CUX2: variants seen among roughly 807,000 people sequenced by gnomAD.
The protein encoded by CUX2 is cut like homeobox 2.
A neutral mutation model predicts 144.8 loss-of-function variants in CUX2; 40 were observed. That is an observed-to-expected ratio of 0.28 (90% CI 0.21 to 0.36). The LOEUF (loss-of-function observed/expected upper bound fraction) is 0.36, where lower values mean the gene tolerates loss of function less well. Ranked by LOEUF, CUX2 falls within the 10% of genes least tolerant of loss-of-function variation. The probability of loss-of-function intolerance (pLI) is 1.00; values close to 1 mark genes in which losing one functional copy is unlikely to be tolerated. For synonymous variants in CUX2, 827 were observed against 875.6 expected (o/e 0.94, Z 0.98); for missense variants, 1,615 against 1,994.0 (o/e 0.81, Z 3.62).
At chr12:111,179,876 G>A (rs1879066477) in intron 1 of CUX2, among the ~76,000 whole-genome samples, 1 of 152,176 alleles carries the variant, frequency 6.6e-6, no homozygotes, top group African/African-American at 2.4e-5. Context: ...TAGAGACAGG[G>A]TTTCGCCCTG....
At chr12:111,099,971 G>A (rs930907785) in intron 1 of CUX2, 2 of 457,272 alleles carry the variant, frequency 4.4e-6, no homozygotes, top group Non-Finnish European at 8.8e-6. Flanking sequence ...GGAAGGGAAC[G>A]GCTTTATCGC....
At chr12:111,119,924 G>A (rs866056268) in intron 1 of CUX2, among the ~76,000 whole-genome samples, 1 of 152,318 alleles carries the variant, frequency 6.6e-6, no homozygotes, top group Middle Eastern at 3.4e-3. Context: ...CAGGCATGGT[G>A]GCACGCGCCT....
At chr12:111,195,218 T>G (rs1880166029) in intron 1 of CUX2, among the ~76,000 whole-genome samples, 1 of 152,202 alleles carries the variant, frequency 6.6e-6, no homozygotes, top group African/African-American at 2.4e-5. Context: ...CTCCCTTTCC[T>G]GCCCAACGCA....
At position 111,310,589 on chromosome 12, in the gene CUX2, G is replaced by A. The variant is rs763069796; in HGVS notation, c.1807G>A (p.Val603Met). Residue 603 changes from valine to methionine, a missense_variant, in exon 15 of 22, where the codon GTG becomes ATG. Physicochemically the swap from Val to Met is conservative, Grantham distance 21. Coordinates refer to ENST00000261726, the MANE Select transcript of CUX2 (RefSeq NM_015267.4). The surrounding 1 kb of genome is among the most constrained non-coding windows in gnomAD (Gnocchi z 7.9). ...ARPKPWRKLT[V>M]KGKEPFIKMK... ...GCCCAAGCCCTGGCGCAAGCTCACG[G>A]TGAAGGGCAAGGAGCCCTTCATCAA... 27 of 1,613,818 alleles carry A rather than the reference G, an allele frequency of 1.7e-5. No individual in the cohort carries two copies. Among genetic ancestry groups the A allele is most frequent in the Middle Eastern group, 1.7e-4 (1 of 6,060 alleles).
intron 2 of CUX2, among the ~76,000 whole-genome samples, 175 bp downstream of exon 2, chr12:111,214,485 G>T (rs1427444040): frequency 6.6e-6 from 1 of 152,198 alleles, no homozygotes; most frequent in African/African-American, 2.4e-5. Context: ...GTGGTGCTCA[G>T]CGGTGCCTAC....
intron 1 of CUX2, among the ~76,000 whole-genome samples, chr12:111,202,398 T>G (rs1880648555): frequency 6.6e-6 from 1 of 152,162 alleles, no homozygotes; most frequent in Non-Finnish European, 1.5e-5. Flanking sequence ...TTTCGGGGCT[T>G]GCCGACAAGA....
intron 4 of CUX2, among the ~76,000 whole-genome samples, chr12:111,284,450 C>A (rs1885273925): frequency 6.6e-6 from 1 of 152,186 alleles, no homozygotes. Context: ...AAAGCTTGGA[C>A]ACGAGCATTG....
chr12:111,109,212 C>G (rs1190534061), intron 1 of CUX2, among the ~76,000 whole-genome samples: 1 of 152,190 alleles, frequency 6.6e-6, no homozygotes, highest in African/African-American at 2.4e-5. Flanking sequence ...GCAATTTTCT[C>G]TACAGGGAAA....
At chr12:111,259,849 A>G (rs73414602) in intron 3 of CUX2, among the ~76,000 whole-genome samples, 2,347 of 151,716 alleles carry the variant, frequency 0.015, 62 homozygotes, top group African/African-American at 0.052. Flanking sequence ...TTAATAATAT[A>G]TTTTATTTAG....
Position 111,304,377 on chromosome 12 carries a change from T to G in CUX2, c.858+63T>G. ...AGGGAAAGATCGGGAATGGCTGAGT[T>G]TGCAGGTTTCAGCATGTGGGTGACA... On this transcript the variant is annotated intron_variant, in intron 10 of 21. Transcript: ENST00000261726. This position sits in a 1 kb window ranked among gnomAD's most constrained non-coding sequence, Gnocchi z 4.7. The G allele has an allele frequency of 7.1e-7, 1 of 1,398,768 alleles. No homozygotes were observed. Among genetic ancestry groups the G allele is most frequent in the Non-Finnish European group, 1.0e-6 (1 of 1,001,726 alleles). 86.6% of individuals were successfully genotyped at this position (1,398,768 alleles called of 1,614,324 possible). A position where few individuals can be genotyped will look rare whatever the true frequency, so the allele number is the denominator to read the frequency against.
Position 111,347,587 on chromosome 12 carries a change from C to A in CUX2, c.3723C>A (p.Ser1241Arg), listed in dbSNP as rs775186252. The A allele has an allele frequency of 3.1e-6, 5 of 1,613,190 alleles. No homozygotes were observed. In the Admixed American group the frequency reaches 6.7e-5, roughly 22 times the overall value. ...GTQDEPDLDPSGGPGILPPGH... is the reference protein window; with the variant it reads ...GTQDEPDLDPRGGPGILPPGH... Reference sequence around the variant, plus strand: ...AGGATGAGCCAGACCTTGATCCAAGCGGGGGTCCTGGAATCCTACCGCCAG... The same window carrying A: ...AGGATGAGCCAGACCTTGATCCAAGAGGGGGTCCTGGAATCCTACCGCCAG... Residue 1241 changes from serine (S) to arginine (R), a missense_variant, in exon 22 of 22, where the codon AGC becomes AGA. Ser to Arg is a moderately radical substitution (Grantham distance 110). Transcript: ENST00000261726.
chr12:111,050,678 T>C (rs1870220241), intron 1 of CUX2, among the ~76,000 whole-genome samples: 1 of 152,066 alleles, frequency 6.6e-6, no homozygotes, highest in African/African-American at 2.4e-5. Context: ...TCCCATCTCC[T>C]ACCTCCATCT....
At chr12:111,056,928 T>A (rs1358581233) in intron 1 of CUX2, among the ~76,000 whole-genome samples, 1 of 151,978 alleles carries the variant, frequency 6.6e-6, no homozygotes, top group Non-Finnish European at 1.5e-5. Flanking sequence ...GGTGAGTTGG[T>A]GTGACAGGAA....
At chr12:111,204,207 T>C (rs1405711341) in intron 1 of CUX2, among the ~76,000 whole-genome samples, 1 of 152,256 alleles carries the variant, frequency 6.6e-6, no homozygotes, top group Non-Finnish European at 1.5e-5. Flanking sequence ...GACCTGAACC[T>C]AGTCTGCCTG....
At position 111,295,517 on chromosome 12, in the gene CUX2, A is replaced by C. The variant is rs1885927275; in HGVS notation, c.637+108A>C. ...TGCCACATCCAGGTGTTTTAGAATC[A>C]AGAGGGCAAAATGGGAGTTTGGGAA... On this transcript the variant is annotated intron_variant, in intron 7 of 21. Transcript: ENST00000261726. This position sits in a 1 kb window ranked among gnomAD's most constrained non-coding sequence, Gnocchi z 5.0. The C allele has an allele frequency of 1.1e-6, 1 of 928,436 alleles. No homozygotes were observed. 57.5% of individuals were successfully genotyped at this position (928,436 alleles called of 1,614,324 possible).
At chr12:111,051,628 C>T (rs1031205349) in intron 1 of CUX2, among the ~76,000 whole-genome samples, 1 of 151,966 alleles carries the variant, frequency 6.6e-6, no homozygotes, top group Non-Finnish European at 1.5e-5. Context: ...GCCTTTGAAT[C>T]TAAAGCGTGT....
At position 111,167,336 on chromosome 12, in the gene CUX2, T is replaced by C. The variant is rs188468107; in HGVS notation, c.64-46864T>C. On this transcript the variant is annotated intron_variant, in intron 1 of 21. Coordinates refer to ENST00000261726, the MANE Select transcript of CUX2 (RefSeq NM_015267.4). ...TCCTTGACTTGGCTCGAAAACCTCTTGTGATATGACCCCTGCCTCTCGGTT... is the reference window on the plus strand; with the variant it reads ...TCCTTGACTTGGCTCGAAAACCTCTCGTGATATGACCCCTGCCTCTCGGTT... Among the ~76,000 whole-genome samples, 863 of 152,288 alleles carry C rather than the reference T, an allele frequency of 5.7e-3. 4 individuals carry two copies. The highest frequency in any genetic ancestry group is 0.02 in the Middle Eastern group (6 of 294).
At chr12:111,278,117 T>C (rs1289062066) in intron 4 of CUX2, among the ~76,000 whole-genome samples, 1 of 152,176 alleles carries the variant, frequency 6.6e-6, no homozygotes, top group African/African-American at 2.4e-5. Context: ...CCCTGTTCCA[T>C]GTAACATAAC....
At chr12:111,124,389 T>G (rs1205483190) in intron 1 of CUX2, among the ~76,000 whole-genome samples, 1 of 152,182 alleles carries the variant, frequency 6.6e-6, no homozygotes, top group Admixed American at 6.5e-5. Context: ...GCTCAGACAC[T>G]GAGTTGGGAA....
Sources: gnomAD v4.1 joint callset for allele counts (sites outside exome capture counted in the v4.1 genomes callset) on GRCh38, gnomAD v4.1.1 for gene constraint, Gnocchi (gnomAD v3.1) non-coding constraint, MANE v1.5 for transcripts, NCBI Gene and HGNC (gene_info 2026-07-23, HGNC 2026-07-21) for gene names.